Variants in LHPP observed in about 807,000 individuals in gnomAD.
LHPP encodes the protein phospholysine phosphohistidine inorganic pyrophosphate phosphatase.
A neutral mutation model predicts 30.3 loss-of-function variants in LHPP; 24 were observed. That is an observed-to-expected ratio of 0.79 (90% CI 0.57 to 1.11). LHPP has a LOEUF of 1.11. LHPP is among the 50% of genes most tolerant of loss of function. The pLI, the probability that LHPP is intolerant of heterozygous loss-of-function variation, is 0.00. For missense variants in LHPP, 356 were observed against 367.2 expected (o/e 0.97, Z 0.25); for synonymous variants, 150 against 157.1 (o/e 0.95, Z 0.34).
intron 6 of LHPP, among the ~76,000 whole-genome samples, chr10:124,560,252 A>G (rs180865660): frequency 3.4e-4 from 52 of 152,374 alleles, no homozygotes; most frequent in African/African-American, 1.2e-3. Flanking sequence ...TAAACAATCA[A>G]AAAGAAGCAG....
intron 6 of LHPP, among the ~76,000 whole-genome samples, chr10:124,586,666 G>A (rs2133996675): frequency 6.6e-6 from 1 of 152,324 alleles, no homozygotes; most frequent in East Asian, 1.9e-4. Flanking sequence ...GGACCGAGAG[G>A]AGACGACTTT....
intron 6 of LHPP, among the ~76,000 whole-genome samples, chr10:124,603,489 GGT>G (rs943034550): frequency 1.3e-5 from 2 of 152,168 alleles, no homozygotes; most frequent in Non-Finnish European, 2.9e-5. Flanking sequence ...TCCCTGCTCT[GGT>G]CCCCAGGCCA....
At chr10:124,477,067 G>A (rs1228012024) in intron 1 of LHPP, among the ~76,000 whole-genome samples, 2 of 152,184 alleles carry the variant, frequency 1.3e-5, no homozygotes, top group Non-Finnish European at 2.9e-5. Context: ...GCTGTGCATG[G>A]TGGCACGCGC....
intron 6 of LHPP, among the ~76,000 whole-genome samples, chr10:124,612,522 A>G (rs1277970846): frequency 1.3e-5 from 2 of 152,014 alleles, no homozygotes; most frequent in African/African-American, 4.8e-5. Context: ...GCCTGCCTTC[A>G]GGACTCAGCC....
At chr10:124,468,656 G>A (rs947365334) in intron 1 of LHPP, among the ~76,000 whole-genome samples, 4 of 152,280 alleles carry the variant, frequency 2.6e-5, no homozygotes, top group South Asian at 2.1e-4. Context: ...TGAAGGGGCC[G>A]CTGAGCTGTC....
chr10:124,519,389 A>G (rs1954547522), intron 6 of LHPP, among the ~76,000 whole-genome samples: 1 of 152,170 alleles, frequency 6.6e-6, no homozygotes, highest in Non-Finnish European at 1.5e-5. Context: ...TTTTCCTTGA[A>G]CACTGTTTTA....
chr10:124,559,140 A>G (rs995644050), intron 6 of LHPP, among the ~76,000 whole-genome samples: 2 of 152,196 alleles, frequency 1.3e-5, no homozygotes, highest in Non-Finnish European at 2.9e-5. Flanking sequence ...TCCAGGTAGC[A>G]GGTGCAGCGG....
intron 6 of LHPP, among the ~76,000 whole-genome samples, chr10:124,544,560 C>T (rs1276108179): frequency 6.6e-6 from 1 of 152,216 alleles, no homozygotes; most frequent in African/African-American, 2.4e-5. Context: ...CACCACCAGA[C>T]CCGAATCCAC....
At chr10:124,491,288 C>T (rs1285464897) in intron 3 of LHPP, among the ~76,000 whole-genome samples, 1 of 152,184 alleles carries the variant, frequency 6.6e-6, no homozygotes, top group African/African-American at 2.4e-5. Context: ...TTTCCATCTT[C>T]GGTGCTTTCG....
intron 6 of LHPP, among the ~76,000 whole-genome samples, chr10:124,526,923 C>T (rs150251935): frequency 1.3e-5 from 2 of 152,324 alleles, no homozygotes; most frequent in East Asian, 1.9e-4. Context: ...AGAAGGGGCC[C>T]GCAGTGAACT....
At chr10:124,506,765 A>G (rs1358467456) in intron 5 of LHPP, among the ~76,000 whole-genome samples, 2 of 21,850 alleles carry the variant, frequency 9.2e-5, no homozygotes, top group African/African-American at 2.1e-4. Context: ...GAAGATTTCA[A>G]GTGGGGTGGG....
chr10:124,528,799 C>G (rs970028744), intron 6 of LHPP, among the ~76,000 whole-genome samples: 1 of 151,914 alleles, frequency 6.6e-6, no homozygotes, highest in Non-Finnish European at 1.5e-5. Context: ...TGTGGGGGAT[C>G]GAGTGAATGT....
At chr10:124,492,790 C>T (rs1433523350) in intron 3 of LHPP, among the ~76,000 whole-genome samples, 1 of 152,202 alleles carries the variant, frequency 6.6e-6, no homozygotes, top group Non-Finnish European at 1.5e-5. Context: ...AACTCATTTA[C>T]CCGGGCTGAC....
At chr10:124,507,266 A>G (rs142565574) in intron 5 of LHPP, among the ~76,000 whole-genome samples, 124 of 18,874 alleles carry the variant, frequency 6.6e-3, no homozygotes, top group Non-Finnish European at 7.9e-3. Flanking sequence ...GGGGGGGTAG[A>G]CAGGATTTCA....
chr10:124,505,693 A>G (rs1470864507), intron 5 of LHPP, among the ~76,000 whole-genome samples: 1 of 152,236 alleles, frequency 6.6e-6, no homozygotes, highest in Non-Finnish European at 1.5e-5. Context: ...CTTCTGAATC[A>G]GTGGATGGTT....
At chr10:124,560,046 C>T (rs1257365394) in intron 6 of LHPP, among the ~76,000 whole-genome samples, 1 of 152,204 alleles carries the variant, frequency 6.6e-6, no homozygotes. Flanking sequence ...GTAGCCTGTA[C>T]CAGGGCACTG....
At position 124,484,119 on chromosome 10, in the gene LHPP, C is replaced by T. The variant is rs200266223; in HGVS notation, c.126-20C>T. On this transcript the variant is annotated intron_variant, in intron 1 of 6. Transcript: ENST00000368842. ...CACTCCACGTGCTGACTTCCCGGGCCTGTGTCTCCCCTGCCGCAGACTGAA... is the reference window on the plus strand; with the variant it reads ...CACTCCACGTGCTGACTTCCCGGGCTTGTGTCTCCCCTGCCGCAGACTGAA... The T allele has an allele frequency of 1.0e-4, 164 of 1,611,338 alleles. No homozygotes were observed. The East Asian group carries it at 3.7e-3, about 36-fold the overall frequency.
In LHPP at chr10:124,503,254, C is replaced by T. The variant is rs942806540; in HGVS notation, c.624+5126C>T. Among the ~76,000 whole-genome samples, 29 of 151,496 alleles carry T rather than the reference C, an allele frequency of 1.9e-4. 1 individual carries two copies. The highest frequency in any genetic ancestry group is 6.6e-4 in the African/African-American group (27 of 41,000). ...TCTAATTTTGTGTTTTTAGTAGAGA[C>T]GGGGTTTCTCCATGTTGGTCAGGCT... On this transcript the variant is annotated intron_variant, in intron 5 of 6. Coordinates refer to ENST00000368842, the MANE Select transcript of LHPP (RefSeq NM_022126.4).
intron 6 of LHPP, among the ~76,000 whole-genome samples, chr10:124,540,099 G>T (rs1955144010): frequency 6.6e-6 from 1 of 152,208 alleles, no homozygotes; most frequent in South Asian, 2.1e-4. Flanking sequence ...TAACCGTGGG[G>T]AGGGGAGGGT....
Sources: allele counts gnomAD v4.1 joint callset (sites outside exome capture counted in the v4.1 genomes callset), GRCh38; gene constraint gnomAD v4.1.1; transcripts MANE v1.5; gene names NCBI Gene and HGNC (gene_info 2026-07-23, HGNC 2026-07-21).